The following KDM2B variants were observed in gnomAD, a reference collection of about 807,000 sequenced individuals.
KDM2B encodes the protein lysine demethylase 2B.
A neutral mutation model predicts 150.0 loss-of-function variants in KDM2B; 26 were observed. That is an observed-to-expected ratio of 0.17 (90% CI 0.13 to 0.24). The LOEUF is 0.24. Ranked by LOEUF, KDM2B falls within the 10% of genes least tolerant of loss-of-function variation. KDM2B has a pLI of 1.00. For synonymous variants in KDM2B, 734 were observed against 729.5 expected (o/e 1.01, Z -0.10); for missense variants, 1,265 against 1,816.9 (o/e 0.70, Z 5.52).
chr12:121,479,450 G>A (rs1316315916), intron 12 of KDM2B, among the ~76,000 whole-genome samples: 2 of 133,040 alleles, frequency 1.5e-5, no homozygotes, highest in East Asian at 4.7e-4. Flanking sequence ...CTGGGCGACA[G>A]AGCGAGACCC....
At chr12:121,580,248 G>A in intron 1 of KDM2B, 1 of 1,154,604 alleles carries the variant, frequency 8.7e-7, no homozygotes, top group East Asian at 4.1e-5. Flanking sequence ...ATTTTCAGCA[G>A]TTGTGGGGGG....
At chr12:121,420,984 A>T in the KDM2B span, among the ~76,000 whole-genome samples, 1 of 152,168 alleles carries the variant, frequency 6.6e-6, no homozygotes, top group Non-Finnish European at 1.5e-5. Flanking sequence ...CGAGACCACC[A>T]CTGCCAAGTG....
Position 121,442,501 on chromosome 12 carries a change from C to T in KDM2B, c.2940G>A (p.Glu980=), listed in dbSNP as rs782781287. ...CCGGGGGCCGCTTGGGCTCCTCGCCCTCGCTCTCAGGCTCCGACTTGATGG... is the reference window on the plus strand; with the variant it reads ...CCGGGGGCCGCTTGGGCTCCTCGCCTTCGCTCTCAGGCTCCGACTTGATGG... The part of the protein sequence containing the change: ...QQPIKSEPES[E]GEEPKRPPGI... The change falls in exon 19 of 23, where the codon GAG becomes GAA. Residue 980 remains glutamate (E), a synonymous_variant. Coordinates refer to ENST00000377071, the MANE Select transcript of KDM2B (RefSeq NM_032590.5). The surrounding 1 kb of genome is among the most constrained non-coding windows in gnomAD (Gnocchi z 7.7). The T allele has an allele frequency of 6.3e-7, 1 of 1,599,584 alleles. No individual in the cohort carries two copies. Among genetic ancestry groups the T allele is most frequent in the East Asian group, 2.2e-5 (1 of 44,866 alleles).
rs1877519905 is a variant in KDM2B, at chr12:121,452,781, T to C, written c.1959+339A>G. ...TGGGGCGCTGACCTTCCACCCAGAC[T>C]TCTGACTCTGAAGGCAGGGCCGGAA... On this transcript the variant is annotated intron_variant, in intron 13 of 22. Coordinates refer to ENST00000377071, the MANE Select transcript of KDM2B (RefSeq NM_032590.5). This position sits in a 1 kb window ranked among gnomAD's most constrained non-coding sequence, Gnocchi z 4.4. 6.6e-6 allele frequency among the ~76,000 whole-genome samples: 1 copy of C among 152,164 alleles called. No individual in the cohort carries two copies.
In KDM2B at chr12:121,442,569, T is replaced by G. The variant is rs370340430; in HGVS notation, c.2872A>C (p.Ile958Leu). The change falls in exon 19 of 23, where the codon ATC becomes CTC. Residue 958 changes from isoleucine to leucine, a missense_variant. By Grantham distance (5) the Ile-to-Leu change is conservative. Coordinates refer to ENST00000377071, the MANE Select transcript of KDM2B (RefSeq NM_032590.5). This position sits in a 1 kb window ranked among gnomAD's most constrained non-coding sequence, Gnocchi z 7.7. Reference sequence around the variant, plus strand: ...GCCAGGCTGTTCTCCGTCCTCTGGATCTCGTGGTTGAGCTCCTTGCTCAGC... The same window carrying G: ...GCCAGGCTGTTCTCCGTCCTCTGGAGCTCGTGGTTGAGCTCCTTGCTCAGC... The part of the protein sequence containing the change: ...RELSKELNHE[I>L]QRTENSLANE... 6.2e-7 allele frequency: 1 copy of G among 1,600,836 alleles called. No individual in the cohort carries two copies. The highest frequency in any genetic ancestry group is 8.5e-7 in the Non-Finnish European group (1 of 1,179,862).
At chr12:121,437,989 C>T (rs1454004290) in intron 22 of KDM2B, among the ~76,000 whole-genome samples, 3 of 151,744 alleles carry the variant, frequency 2.0e-5, no homozygotes, top group Non-Finnish European at 4.4e-5. Flanking sequence ...CGTGGTGGCA[C>T]ACGCCTGTAA....
In KDM2B at chr12:121,575,719, C is replaced by T. The variant is rs1891454125; in HGVS notation, c.350+62G>A. 8.3e-7 allele frequency: 1 copy of T among 1,203,094 alleles called. No homozygotes were observed. Among genetic ancestry groups the T allele is most frequent in the Non-Finnish European group, 1.2e-6 (1 of 805,506 alleles). The allele number at this position is 1,203,094 out of a possible 1,614,324, so 74.5% of individuals were successfully genotyped here. A position where few individuals can be genotyped will look rare whatever the true frequency, so the allele number is the denominator to read the frequency against. On this transcript the variant is annotated intron_variant, in intron 3 of 22. Coordinates refer to ENST00000377071, the MANE Select transcript of KDM2B (RefSeq NM_032590.5). The surrounding 1 kb of genome is among the most constrained non-coding windows in gnomAD (Gnocchi z 4.4). ...GGAAGAGGGTGGAAGAAATCCATCC[C>T]AAGCTATAAAGTATGTTAGGGAGGA...
intron 12 of KDM2B, 34 bp downstream of exon 12, chr12:121,494,545 A>G (rs1472959926): frequency 6.4e-7 from 1 of 1,565,532 alleles, no homozygotes; most frequent in Non-Finnish European, 8.7e-7. Context: ...GGAGGTGGGA[A>G]GCGGCCGCCC....
chr12:121,548,806 T>TCCCACCTC (rs1292173818), intron 6 of KDM2B, 71 bp downstream of exon 6: 2 of 1,191,180 alleles, frequency 1.7e-6, no homozygotes, highest in Admixed American at 1.7e-5. Context: ...GGAGCCTCCT[T>TCCCACCTC]CCCACCTCCC....
rs1890902780 is a variant in KDM2B, at chr12:121,568,952, G to GCAGC, written c.397+5591_397+5594dup. On this transcript the variant is annotated intron_variant, in intron 4 of 22. Transcript: ENST00000377071. ...ATTTTAGGACATTAGAGAAGAGTCT[G>GCAGC]CAGCCCCGAGTTGTGTCCTGAACAC... 2.6e-5 allele frequency among the ~76,000 whole-genome samples: 4 copies of GCAGC among 151,526 alleles called. No homozygotes were observed. The South Asian group carries it at 8.3e-4, about 32-fold the overall frequency.
chr12:121,476,019 G>C (rs1049797107), intron 12 of KDM2B, among the ~76,000 whole-genome samples: 12 of 151,878 alleles, frequency 7.9e-5, no homozygotes, highest in Admixed American at 2.0e-4. Flanking sequence ...AAAATGCCCG[G>C]CACGGTGGCT....
chr12:121,574,479 G>A (rs1555316531), intron 4 of KDM2B, 68 bp downstream of exon 4: 7 of 1,481,854 alleles, frequency 4.7e-6, no homozygotes, highest in African/African-American at 1.4e-5. Context: ...AAATGGGCAG[G>A]TGGTGACCGC....
Position 121,443,515 on chromosome 12 carries a change from C to T in KDM2B, c.2565+165G>A, listed in dbSNP as rs561718253. 401 of 622,326 alleles carry T rather than the reference C, an allele frequency of 6.4e-4. 3 individuals carry two copies. The African/African-American group carries it at 6.8e-3, about 11-fold the overall frequency. 38.6% of individuals were successfully genotyped at this position (622,326 alleles called of 1,614,324 possible). A position where few individuals can be genotyped will look rare whatever the true frequency, so the allele number is the denominator to read the frequency against. On this transcript the variant is annotated intron_variant, in intron 17 of 22. Coordinates refer to ENST00000377071, the MANE Select transcript of KDM2B (RefSeq NM_032590.5). The stretch of plus-strand genomic sequence containing the variant: ...CAACAGAGGCTCTAGGCACAGACAG[C>T]TTCCCAGGCCCCAAGCCAGAACCAC...
chr12:121,562,335 T>C (rs1209887076), intron 4 of KDM2B, among the ~76,000 whole-genome samples: 1 of 150,954 alleles, frequency 6.6e-6, no homozygotes, highest in Non-Finnish European at 1.5e-5. Context: ...ATACAAAAAA[T>C]TAGCCGGGCG....
chr12:121,557,023 A>G (rs1889951089), intron 4 of KDM2B, among the ~76,000 whole-genome samples: 1 of 151,968 alleles, frequency 6.6e-6, no homozygotes, highest in African/African-American at 2.4e-5. Context: ...ACCAGAAATC[A>G]GCACCCTCCC....
rs565390812 is a variant in KDM2B, at chr12:121,499,373, G to A, written c.1648-4708C>T. On this transcript the variant is annotated intron_variant, in intron 11 of 22. Coordinates refer to ENST00000377071, the MANE Select transcript of KDM2B (RefSeq NM_032590.5). ...TGACCTCAGGCGATCCACCCACCTC[G>A]GCCTCCCAAAGTGCTAGGATTATAG... Among the ~76,000 whole-genome samples the A allele has an allele frequency of 2.8e-4, 42 of 150,992 alleles. No individual in the cohort carries two copies. The South Asian group carries it at 7.6e-3, about 27-fold the overall frequency.
intron 12 of KDM2B, among the ~76,000 whole-genome samples, chr12:121,483,872 G>A (rs1882444501): frequency 6.6e-6 from 1 of 152,044 alleles, no homozygotes; most frequent in Admixed American, 6.6e-5. Flanking sequence ...TTTAGCAGAG[G>A]TTTGATTGAC....
intron 12 of KDM2B, among the ~76,000 whole-genome samples, chr12:121,458,956 C>T (rs191265595): frequency 2.6e-5 from 4 of 151,850 alleles, no homozygotes; most frequent in East Asian, 1.9e-4. Flanking sequence ...CATGGTGGCA[C>T]ACACCTGTAG....
intron 4 of KDM2B, among the ~76,000 whole-genome samples, chr12:121,554,529 G>GC (rs1594115605): frequency 6.6e-6 from 1 of 151,764 alleles, no homozygotes; most frequent in Non-Finnish European, 1.5e-5. Context: ...TCCTGCCTCA[G>GC]CCCCCCGAGT....
Sources: allele counts gnomAD v4.1 joint callset (sites outside exome capture counted in the v4.1 genomes callset), GRCh38; gene constraint gnomAD v4.1.1; non-coding constraint Gnocchi (gnomAD v3.1); transcripts MANE v1.5; gene names NCBI Gene and HGNC (gene_info 2026-07-23, HGNC 2026-07-21).